ERC2: variants seen among roughly 807,000 people sequenced by gnomAD.
ERC2 encodes ELKS/RAB6-interacting/CAST family member 2.
In ERC2, 42 loss-of-function variants were observed where a neutral mutation model predicts 114.8. The ratio of observed to expected loss-of-function variants is 0.37; its 90% CI spans 0.29 to 0.47. ERC2 has a LOEUF of 0.47. Among genes scored for constraint, ERC2 ranks in the 20% least tolerant of loss-of-function variants. The pLI, the probability that ERC2 is intolerant of heterozygous loss-of-function variation, is 0.99. For synonymous variants in ERC2, 454 were observed against 425.5 expected, an observed-to-expected ratio of 1.07 and a Z score of -0.82; for missense variants, 939 against 1,150.7, an observed-to-expected ratio of 0.82 and a Z score of 2.66.
intron 17 of ERC2, among the ~76,000 whole-genome samples, chr3:55,631,067 C>A (rs1211690205): frequency 6.6e-6 from 1 of 151,878 alleles, no homozygotes; most frequent in African/African-American, 2.4e-5. Flanking sequence ...CAGGCTGAGG[C>A]CCTAGTTTCT....
chr3:55,961,267 C>T (rs2068341929), intron 12 of ERC2, among the ~76,000 whole-genome samples: 1 of 152,168 alleles, frequency 6.6e-6, no homozygotes, highest in Admixed American at 6.5e-5. Flanking sequence ...TCCTCTGCGG[C>T]TCTGAACAAG....
chr3:56,054,178 C>G (rs1437657572), intron 7 of ERC2, among the ~76,000 whole-genome samples: 1 of 152,180 alleles, frequency 6.6e-6, no homozygotes, highest in East Asian at 1.9e-4. Context: ...AAATTGTGTA[C>G]AGTACCTGCC....
intron 17 of ERC2, among the ~76,000 whole-genome samples, chr3:55,664,435 G>A (rs1269340521): frequency 6.6e-6 from 1 of 152,212 alleles, no homozygotes; most frequent in Non-Finnish European, 1.5e-5. Context: ...TCGCAAATGC[G>A]CACATTTTTC....
chr3:55,600,697 A>G (rs907284324), intron 17 of ERC2, among the ~76,000 whole-genome samples: 3 of 152,240 alleles, frequency 2.0e-5, no homozygotes, highest in African/African-American at 7.2e-5. Flanking sequence ...AGCCTAGAAG[A>G]GTGCTGTTGG....
chr3:55,626,973 G>A lies in ERC2; in HGVS notation c.*39+56821C>T, dbSNP rs116592631. 4.7e-3 allele frequency among the ~76,000 whole-genome samples: 715 copies of A among 152,372 alleles called. 4 individuals are homozygous for A. The highest frequency in any genetic ancestry group is 0.016 in the African/African-American group (671 of 41,582). On this transcript the variant is annotated intron_variant, in intron 17 of 17. Coordinates refer to ENST00000288221, the MANE Select transcript of ERC2 (RefSeq NM_015576.3). ...AAGTCTTTAGGATTATGCCTGGCCT[G>A]TGGGAATCATCCCAGAAATATCTGC...
At chr3:55,809,727 T>A (rs2059642371) in intron 14 of ERC2, among the ~76,000 whole-genome samples, 2 of 152,194 alleles carry the variant, frequency 1.3e-5, no homozygotes. Context: ...TGGGCTTCCC[T>A]ACAAGCTGGT....
chr3:56,332,006 G>A (rs1260045234), intron 2 of ERC2, among the ~76,000 whole-genome samples: 1 of 152,110 alleles, frequency 6.6e-6, no homozygotes, highest in Non-Finnish European at 1.5e-5. Flanking sequence ...TCACTCCCAT[G>A]TGCCTCCACT....
At chr3:55,808,227 G>A (rs1289702653) in intron 14 of ERC2, among the ~76,000 whole-genome samples, 1 of 152,094 alleles carries the variant, frequency 6.6e-6, no homozygotes. Flanking sequence ...GGCTCAATGG[G>A]GCCTAGTGAC....
chr3:55,891,373 GAGATTGGGGGTGGTAACTCCC>G (rs1395733298), intron 13 of ERC2, among the ~76,000 whole-genome samples: 1 of 150,922 alleles, frequency 6.6e-6, no homozygotes. Flanking sequence ...CTTTGCCTCT[GAGATTGGGGGTGGTAACTCCC>G]AGCATAACCT....
chr3:56,383,197 T>G (rs1285382585), intron 2 of ERC2, among the ~76,000 whole-genome samples: 2 of 152,076 alleles, frequency 1.3e-5, no homozygotes, highest in Non-Finnish European at 1.5e-5. Flanking sequence ...CTTCTACCAT[T>G]ACCTTCCCAT....
chr3:55,742,961 G>A (rs2066061501), intron 14 of ERC2, among the ~76,000 whole-genome samples: 1 of 152,218 alleles, frequency 6.6e-6, no homozygotes, highest in Non-Finnish European at 1.5e-5. Flanking sequence ...CACAGGGTGA[G>A]ATATATTTGA....
intron 12 of ERC2, among the ~76,000 whole-genome samples, chr3:55,952,178 C>CTATATATATATATATAT (rs1302030120): frequency 2.4e-5 from 1 of 41,724 alleles, no homozygotes; most frequent in African/African-American, 6.8e-5. Context: ...CACACACACA[C>CTATATATATATATATAT]ACTCTCTCTC....
intron 2 of ERC2, among the ~76,000 whole-genome samples, chr3:56,397,133 G>A (rs999339790): frequency 2.6e-5 from 4 of 152,228 alleles, no homozygotes; most frequent in African/African-American, 9.6e-5. Context: ...AACAGTTTTT[G>A]TTTTAAAAGT....
At chr3:56,454,361 A>C (rs1223067085) in intron 1 of ERC2, among the ~76,000 whole-genome samples, 1 of 152,194 alleles carries the variant, frequency 6.6e-6, no homozygotes, top group Non-Finnish European at 1.5e-5. Context: ...TGCCAATATC[A>C]GAATCTCTGC....
At chr3:56,266,377 G>C (rs1290382868) in intron 3 of ERC2, among the ~76,000 whole-genome samples, 1 of 151,884 alleles carries the variant, frequency 6.6e-6, no homozygotes, top group Non-Finnish European at 1.5e-5. Context: ...TGATCCACCC[G>C]CCTCGGCCTC....
At chr3:55,834,047 CAAG>C (rs1456414671) in intron 14 of ERC2, among the ~76,000 whole-genome samples, 2 of 151,684 alleles carry the variant, frequency 1.3e-5, no homozygotes, top group East Asian at 3.9e-4. Flanking sequence ...ATCAATTCAA[CAAG>C]AAGAGCTAAC....
Position 56,435,038 on chromosome 3 carries a change from G to A in ERC2, c.-31C>T. On this transcript the variant is annotated 5_prime_UTR_variant, in exon 2 of 18. Transcript: ENST00000288221. Reference sequence around the variant, plus strand: ...TTGTATTATGAGGTGTTACTGAAGAGAAGAAATGCTATATTAAGTTGGGGT... The same window carrying A: ...TTGTATTATGAGGTGTTACTGAAGAAAAGAAATGCTATATTAAGTTGGGGT... 1 of 1,524,738 alleles carries A rather than the reference G, an allele frequency of 6.6e-7. No homozygotes were observed. Among genetic ancestry groups the A allele is most frequent in the East Asian group, 2.3e-5 (1 of 44,290 alleles). The allele number at this position is 1,524,738 out of a possible 1,614,324, so 94.5% of individuals were successfully genotyped here. A position where few individuals can be genotyped will look rare whatever the true frequency, so the allele number is the denominator to read the frequency against.
intron 12 of ERC2, among the ~76,000 whole-genome samples, chr3:55,977,760 A>G (rs1031208679): frequency 5.3e-5 from 8 of 152,230 alleles, no homozygotes; most frequent in Non-Finnish European, 1.0e-4. Context: ...CTTGAAATCA[A>G]GTCTATTCAA....
chr3:56,158,956 T>C (rs950162537), intron 4 of ERC2, among the ~76,000 whole-genome samples: 5 of 152,000 alleles, frequency 3.3e-5, no homozygotes, highest in African/African-American at 1.2e-4. Context: ...ATGTTGGAGG[T>C]GGGGCCTGCA....
Sources: gnomAD v4.1 joint callset for allele counts (sites outside exome capture counted in the v4.1 genomes callset) on GRCh38, gnomAD v4.1.1 for gene constraint, MANE v1.5 for transcripts, NCBI Gene and HGNC (gene_info 2026-07-23, HGNC 2026-07-21) for gene names.